Variants in SUZ12 observed in about 807,000 individuals in gnomAD.
The protein encoded by SUZ12 is SUZ12 polycomb repressive complex 2 subunit.
SUZ12 carries 17 observed loss-of-function variants against 87.3 expected under a neutral mutation model. That is an observed-to-expected ratio of 0.19 (90% CI 0.13 to 0.29). The LOEUF (loss-of-function observed/expected upper bound fraction) is 0.29. Ranked by LOEUF, SUZ12 falls within the 10% of genes least tolerant of loss-of-function variation. SUZ12 has a pLI of 1.00. For synonymous variants in SUZ12, 253 were observed against 312.4 expected (o/e 0.81, Z 2.01); for missense variants, 526 against 912.2 (o/e 0.58, Z 5.45).
chr17:31,993,048 T>G (rs1909803996), intron 10 of SUZ12, among the ~76,000 whole-genome samples, 194 bp from the exon 11 acceptor site: 1 of 152,162 alleles, frequency 6.6e-6, no homozygotes, highest in African/African-American at 2.4e-5. Flanking sequence ...CCAATAGACC[T>G]TAACATCAGA....
chr17:31,998,215 G>T (rs1910082124), intron 15 of SUZ12, among the ~76,000 whole-genome samples: 1 of 151,896 alleles, frequency 6.6e-6, no homozygotes, highest in South Asian at 2.1e-4. Context: ...GAGCCGCTGG[G>T]ACCACAGGCA....
intron 1 of SUZ12, among the ~76,000 whole-genome samples, chr17:31,939,372 C>T (rs1906130697): frequency 1.3e-5 from 2 of 151,602 alleles, no homozygotes; most frequent in African/African-American, 4.9e-5. Flanking sequence ...TGAGACCAGC[C>T]TGGGCAACAT....
At chr17:31,966,077 ATT>A in intron 4 of SUZ12, 68 bp from the exon 5 acceptor site, 1 of 1,356,800 alleles carries the variant, frequency 7.4e-7, no homozygotes, top group South Asian at 1.4e-5. Context: ...TCAATGTTAT[ATT>A]TTAAAGTCTA....
intron 8 of SUZ12, among the ~76,000 whole-genome samples, chr17:31,980,714 T>C (rs149645746): frequency 2.0e-3 from 296 of 151,458 alleles, no homozygotes; most frequent in African/African-American, 6.4e-3. Context: ...TCCCAAACTG[T>C]TGGGATTACG....
chr17:31,962,063 G>A (rs1354736261), intron 4 of SUZ12, among the ~76,000 whole-genome samples: 3 of 152,164 alleles, frequency 2.0e-5, no homozygotes, highest in African/African-American at 7.2e-5. Context: ...GGGATAAAGT[G>A]GTCATTTAGC....
intron 10 of SUZ12, among the ~76,000 whole-genome samples, chr17:31,989,008 G>A (rs909230868): frequency 1.3e-5 from 2 of 151,640 alleles, no homozygotes; most frequent in African/African-American, 4.8e-5. Context: ...GAAGGTGGAG[G>A]TTGCAGCCGA....
intron 5 of SUZ12, among the ~76,000 whole-genome samples, chr17:31,972,381 G>A: frequency 7.7e-6 from 1 of 130,538 alleles, no homozygotes; most frequent in Non-Finnish European, 1.6e-5. Flanking sequence ...GTGTTTGTGT[G>A]TGTATATATA....
chr17:31,946,163 C>T lies in SUZ12; in HGVS notation c.387-1454C>T, dbSNP rs552106152. 3.3e-5 allele frequency among the ~76,000 whole-genome samples: 5 copies of T among 152,250 alleles called. No individual in the cohort carries two copies. In the East Asian group the frequency reaches 5.8e-4, roughly 18 times the overall value. On this transcript the variant is annotated intron_variant, in intron 3 of 15. Transcript: ENST00000322652. ...TGAAATATAGATTGTATCAATTCTG[C>T]TCTAATATCAGTAGTTTACTATATT... is the stretch of plus-strand genomic sequence containing the variant.
Position 31,999,493 on chromosome 17 carries a change from C to T in SUZ12, c.*490C>T, listed in dbSNP as rs1337537559. The T allele has an allele frequency of 1.3e-5, 3 of 230,866 alleles. No individual in the cohort carries two copies. In the East Asian group the frequency reaches 1.9e-4, roughly 14 times the overall value. 14.3% of individuals were successfully genotyped at this position (230,866 alleles called of 1,614,324 possible). A position where few individuals can be genotyped will look rare whatever the true frequency, so the allele number is the denominator to read the frequency against. On this transcript the variant is annotated 3_prime_UTR_variant, in exon 16 of 16. Transcript: ENST00000322652. The stretch of plus-strand genomic sequence containing the variant: ...GAAGGATTTTTATGAAATTATATTG[C>T]ATTACTATTTGCAGTCAAACTTTGA...
intron 4 of SUZ12, among the ~76,000 whole-genome samples, chr17:31,951,814 G>T (rs1311686534): frequency 1.5e-5 from 2 of 137,750 alleles, no homozygotes; most frequent in South Asian, 4.6e-4. Context: ...TCACATTGTC[G>T]CCCAGGCTGG....
Position 31,999,097 on chromosome 17 carries a change from C to A in SUZ12, c.*94C>A. 1 of 1,066,394 alleles carries A rather than the reference C, an allele frequency of 9.4e-7. No homozygotes were observed. Among genetic ancestry groups the A allele is most frequent in the Non-Finnish European group, 1.3e-6 (1 of 768,232 alleles). The allele number at this position is 1,066,394 out of a possible 1,614,324, so 66.1% of individuals were successfully genotyped here. A position where few individuals can be genotyped will look rare whatever the true frequency, so the allele number is the denominator to read the frequency against. ...ATGTTTTTGTTTTTAATCATATGTT[C>A]CAAACAGGCACTGTTAGATGAAGTA... is the stretch of plus-strand genomic sequence containing the variant. On this transcript the variant is annotated 3_prime_UTR_variant, in exon 16 of 16. Coordinates refer to ENST00000322652, the MANE Select transcript of SUZ12 (RefSeq NM_015355.4).
rs372752247 is a variant in SUZ12, at chr17:31,992,448, C to T, written c.1202-794C>T. On this transcript the variant is annotated intron_variant, in intron 10 of 15. Coordinates refer to ENST00000322652, the MANE Select transcript of SUZ12 (RefSeq NM_015355.4). The stretch of plus-strand genomic sequence containing the variant: ...TTTTTTTGACAGAGTCTTCCTCAGT[C>T]GCCCAGGCTGGAGTGTAGTGGTGCG... Among the ~76,000 whole-genome samples, 200 of 152,176 alleles carry T rather than the reference C, an allele frequency of 1.3e-3. 1 individual carries two copies. The highest frequency in any genetic ancestry group is 4.4e-3 in the African/African-American group (183 of 41,530).
At chr17:31,968,397 A>C (rs1248923145) in intron 5 of SUZ12, among the ~76,000 whole-genome samples, 1 of 151,856 alleles carries the variant, frequency 6.6e-6, no homozygotes, top group African/African-American at 2.4e-5. Context: ...CTGGCTAATT[A>C]AAAAAAATTT....
intron 14 of SUZ12, 53 bp from the exon 15 acceptor site, chr17:31,996,745 C>T (rs1421143312): frequency 1.6e-6 from 2 of 1,283,490 alleles, no homozygotes; most frequent in South Asian, 2.9e-5. Context: ...GACATTCTCA[C>T]AAGTTTTTCT....
At chr17:31,991,405 T>C (rs903769917) in intron 10 of SUZ12, among the ~76,000 whole-genome samples, 3 of 151,712 alleles carry the variant, frequency 2.0e-5, no homozygotes, top group Non-Finnish European at 4.4e-5. Flanking sequence ...GGGAAAGGTT[T>C]TGCAAGTAAA....
In SUZ12 at chr17:31,994,112, G is replaced by GA. The variant is rs55701061; in HGVS notation, c.1437+110dup. 1.3e-5 allele frequency: 14 copies of GA among 1,056,072 alleles called. No individual in the cohort carries two copies. In the African/African-American group the frequency reaches 2.1e-4, roughly 16 times the overall value. The allele number at this position is 1,056,072 out of a possible 1,614,324, so 65.4% of individuals were successfully genotyped here. A position where few individuals can be genotyped will look rare whatever the true frequency, so the allele number is the denominator to read the frequency against. ...CAAAAATTTTTTAAATTAAAAAAGGGAAAAAATATGCATTAAGTACAAGAT... is the reference window on the plus strand; with the variant it reads ...CAAAAATTTTTTAAATTAAAAAAGGGAAAAAAATATGCATTAAGTACAAGAT... On this transcript the variant is annotated intron_variant, in intron 12 of 15. Transcript: ENST00000322652.
chr17:31,979,020 C>A (rs555506763), intron 8 of SUZ12, among the ~76,000 whole-genome samples: 1 of 147,674 alleles, frequency 6.8e-6, no homozygotes, highest in Non-Finnish European at 1.5e-5. Flanking sequence ...GCAGGAGAAT[C>A]GCTTGAACCC....
intron 5 of SUZ12, among the ~76,000 whole-genome samples, chr17:31,972,401 ATAT>A (rs1908496507): frequency 4.7e-5 from 7 of 147,728 alleles, no homozygotes; most frequent in Non-Finnish European, 1.1e-4. Context: ...ATATATATAT[ATAT>A]AAATAGAAAT....
chr17:31,960,708 A>G (rs1171939740), intron 4 of SUZ12, among the ~76,000 whole-genome samples: 1 of 151,968 alleles, frequency 6.6e-6, no homozygotes. Flanking sequence ...CTCCCGAGTA[A>G]CTGGGATTAC....
Sources: gnomAD v4.1 joint callset for allele counts (sites outside exome capture counted in the v4.1 genomes callset) on GRCh38, gnomAD v4.1.1 for gene constraint, MANE v1.5 for transcripts, NCBI Gene and HGNC (gene_info 2026-07-23, HGNC 2026-07-21) for gene names.